The following CLNK variants were observed in gnomAD, a reference collection of about 807,000 sequenced individuals.
The protein encoded by CLNK is cytokine dependent hematopoietic cell linker.
In CLNK, 74 loss-of-function variants were observed where a neutral mutation model predicts 68.6. The observed-to-expected ratio is 1.08, with a 90% CI of 0.89 to 1.31. The LOEUF (loss-of-function observed/expected upper bound fraction) is 1.31, where lower values mean the gene tolerates loss of function less well. CLNK is among the 50% of genes most tolerant of loss of function. The probability of loss-of-function intolerance (pLI) is 0.00; values close to 1 mark genes in which losing one functional copy is unlikely to be tolerated. For synonymous variants in CLNK, 198 were observed against 172.2 expected (o/e 1.15, Z -1.17); for missense variants, 553 against 515.3 (o/e 1.07, Z -0.71).
At chr4:10,715,948 T>C in the CLNK span, among the ~76,000 whole-genome samples, 1 of 152,306 alleles carries the variant, frequency 6.6e-6, no homozygotes, top group East Asian at 1.9e-4. Context: ...TGCTTAGAAT[T>C]AGGATCTGAG....
In CLNK at chr4:10,503,232, G is replaced by T. The variant is rs149540355; in HGVS notation, c.985-1821C>A. Among the ~76,000 whole-genome samples the T allele has an allele frequency of 5.3e-4, 80 of 152,176 alleles. 2 individuals carry two copies. In the East Asian group the frequency reaches 0.015, roughly 28 times the overall value. ...ATCCCAACACTTGGGAGGCCGACGC[G>T]GGTGGATCACTTGAGGTCAGGAGTT... On this transcript the variant is annotated intron_variant, in intron 17 of 18. Transcript: ENST00000226951.
At chr4:10,606,328 G>A (rs537080499) in intron 2 of CLNK, among the ~76,000 whole-genome samples, 4 of 152,162 alleles carry the variant, frequency 2.6e-5, no homozygotes, top group Admixed American at 6.5e-5. Context: ...CTGGAAGGTC[G>A]TCAGGGGCAA....
chr4:10,629,411 T>C lies in CLNK; in HGVS notation c.12-31362A>G, dbSNP rs578090919. 3.3e-5 allele frequency among the ~76,000 whole-genome samples: 5 copies of C among 152,236 alleles called. No individual in the cohort carries two copies. In the South Asian group the frequency reaches 8.3e-4, roughly 25 times the overall value. On this transcript the variant is annotated intron_variant, in intron 2 of 18. Transcript: ENST00000226951. ...AGGAAGAGAGGGGAGGCAGGCTCCC[T>C]TTCCCAAGACATGCTGGCAGCCTGA...
chr4:10,551,431 A>ATT (rs71181045), intron 8 of CLNK, among the ~76,000 whole-genome samples: 42,925 of 149,178 alleles, frequency 0.29, 7,784 homozygotes, highest in Non-Finnish European at 0.41. Context: ...ATATATATAT[A>ATT]TTTTTTTTTA....
chr4:10,554,024 G>T (rs777808405), intron 8 of CLNK, among the ~76,000 whole-genome samples: 2 of 152,182 alleles, frequency 1.3e-5, no homozygotes, highest in Non-Finnish European at 2.9e-5. Flanking sequence ...GGAGGGGCTG[G>T]ATCGTGGAGA....
intron 2 of CLNK, among the ~76,000 whole-genome samples, chr4:10,631,743 T>G (rs950473861): frequency 3.3e-5 from 5 of 152,246 alleles, no homozygotes; most frequent in African/African-American, 1.2e-4. Flanking sequence ...TCAACTGTAG[T>G]GTCTGCCAAT....
intron 11 of CLNK, among the ~76,000 whole-genome samples, chr4:10,534,981 T>C (rs893381476): frequency 1.3e-5 from 2 of 152,176 alleles, no homozygotes; most frequent in African/African-American, 4.8e-5. Context: ...TGTTTTCACT[T>C]CCCAAATCAT....
chr4:10,629,181 C>G (rs1253199542), intron 2 of CLNK, among the ~76,000 whole-genome samples: 1 of 152,142 alleles, frequency 6.6e-6, no homozygotes, highest in Non-Finnish European at 1.5e-5. Flanking sequence ...TGAGGGCTCC[C>G]GTGTCACCTA....
At chr4:10,684,997 T>C (rs1015661713), upstream of CLNK, 3 of 152,182 alleles carry the variant, frequency 2.0e-5, no homozygotes, top group African/African-American at 7.2e-5. Context: ...GGTGTCCTTA[T>C]GTGGCACTTC....
At chr4:10,490,847 C>G (rs1716539589) in intron 18 of CLNK, among the ~76,000 whole-genome samples, 1 of 152,204 alleles carries the variant, frequency 6.6e-6, no homozygotes, top group African/African-American at 2.4e-5. Flanking sequence ...TCACTGCAAC[C>G]TCCGCCTCCC....
rs185790687 is a variant in CLNK at position 10,666,892 on chromosome 4, C to T, written c.11+967G>A. Among the ~76,000 whole-genome samples the T allele has an allele frequency of 7.0e-3, 1,072 of 152,200 alleles. 9 individuals carry two copies. The highest frequency in any genetic ancestry group is 0.024 in the African/African-American group (995 of 41,548). On this transcript the variant is annotated intron_variant, in intron 2 of 18. Transcript: ENST00000226951. The stretch of plus-strand genomic sequence containing the variant: ...GGGCATCCATGGGTAGCTGAGATAC[C>T]GGGGCTGTCACAGCACCTGCTACTC...
intron 15 of CLNK, among the ~76,000 whole-genome samples, chr4:10,519,653 C>T (rs1240535682): frequency 6.6e-6 from 1 of 152,168 alleles, no homozygotes; most frequent in Non-Finnish European, 1.5e-5. Flanking sequence ...TTTCCAGCCT[C>T]AGGCCCAGAT....
intron 8 of CLNK, among the ~76,000 whole-genome samples, chr4:10,551,840 G>T (rs768675615): frequency 1.1e-4 from 17 of 148,864 alleles, no homozygotes; most frequent in Admixed American, 2.0e-4. Flanking sequence ...ATCAGTGAGA[G>T]AATTGTAATT....
At chr4:10,503,322 C>T (rs1254787421) in intron 17 of CLNK, among the ~76,000 whole-genome samples, 1 of 151,774 alleles carries the variant, frequency 6.6e-6, no homozygotes, top group Non-Finnish European at 1.5e-5. Context: ...ATTAGCCAGG[C>T]ATGGTATCAT....
intron 7 of CLNK, among the ~76,000 whole-genome samples, chr4:10,561,599 C>T (rs1278226166): frequency 1.3e-5 from 2 of 152,188 alleles, no homozygotes; most frequent in African/African-American, 2.4e-5. Context: ...TCTTTATAAC[C>T]GGACCAGAAC....
intron 18 of CLNK, 23 bp downstream of exon 18, chr4:10,501,233 G>A (rs1717031248): frequency 4.5e-6 from 7 of 1,538,488 alleles, no homozygotes; most frequent in Non-Finnish European, 6.1e-6. Context: ...CCTGGAACAG[G>A]GAGGCTGTTA....
chr4:10,492,033 G>A (rs1716597112), intron 18 of CLNK, among the ~76,000 whole-genome samples: 2 of 152,130 alleles, frequency 1.3e-5, no homozygotes, highest in African/African-American at 4.8e-5. Context: ...GAGATAATTA[G>A]GAAGAGCTTG....
At chr4:10,562,513 C>A (rs918528100) in intron 7 of CLNK, among the ~76,000 whole-genome samples, 2 of 152,152 alleles carry the variant, frequency 1.3e-5, no homozygotes, top group African/African-American at 4.8e-5. Flanking sequence ...TCAAGCAATT[C>A]TCTTGCCTCA....
intron 8 of CLNK, among the ~76,000 whole-genome samples, chr4:10,546,893 G>A (rs970045660): frequency 6.6e-5 from 10 of 152,162 alleles, no homozygotes. Context: ...TGCTGAAGGG[G>A]ACTTACTGCA....
Sources: gnomAD v4.1 joint callset for allele counts (sites outside exome capture counted in the v4.1 genomes callset) on GRCh38, gnomAD v4.1.1 for gene constraint, MANE v1.5 for transcripts, NCBI Gene and HGNC (gene_info 2026-07-23, HGNC 2026-07-21) for gene names.